SEPTIN12: variants seen among roughly 807,000 people sequenced by gnomAD.
SEPTIN12 encodes the protein septin-12.
A neutral mutation model predicts 37.7 loss-of-function variants in SEPTIN12; 42 were observed. That is an observed-to-expected ratio of 1.11 (90% CI 0.87 to 1.44). SEPTIN12 has a LOEUF of 1.44. Among genes scored for constraint, SEPTIN12 ranks in the 40% most tolerant of loss-of-function variants. The pLI, the probability that SEPTIN12 is intolerant of heterozygous loss-of-function variation, is 0.00. For synonymous variants in SEPTIN12, 254 were observed against 196.7 expected, an observed-to-expected ratio of 1.29 and a Z score of -2.44; for missense variants, 613 against 479.2, an observed-to-expected ratio of 1.28 and a Z score of -2.61.
upstream of SEPTIN12, among the ~76,000 whole-genome samples, chr16:4,788,954 A>G (rs1329276481): frequency 6.6e-6 from 1 of 152,198 alleles, no homozygotes; most frequent in African/African-American, 2.4e-5. Context: ...CTCTTTAAAT[A>G]GGCCATGTGC....
At chr16:4,787,319 A>T in intron 2 of SEPTIN12, 161 bp downstream of exon 2, 1 of 721,808 alleles carries the variant, frequency 1.4e-6, no homozygotes, top group Non-Finnish European at 2.4e-6. Context: ...TTAATGACTC[A>T]GCATTTCTCA....
upstream of SEPTIN12, among the ~76,000 whole-genome samples, chr16:4,789,297 A>G (rs2082510934): frequency 6.6e-6 from 1 of 150,536 alleles, no homozygotes; most frequent in African/African-American, 2.4e-5. Context: ...GTGAGCCACC[A>G]TGCCTGGCCT....
At chr16:4,787,801 T>G (rs2082483520) in intron 1 of SEPTIN12, 134 bp from the exon 2 acceptor site, 2 of 597,834 alleles carry the variant, frequency 3.3e-6, no homozygotes, top group African/African-American at 3.7e-5. Flanking sequence ...TGGTGTACCC[T>G]AAGTGCCTGT....
Position 4,787,786 on chromosome 16 carries a change from GCC to G in SEPTIN12, c.-22-121_-22-120del. 5.0e-6 allele frequency: 3 copies of G among 605,608 alleles called. No homozygotes were observed. The South Asian group carries it at 5.9e-5, about 12-fold the overall frequency. The allele number at this position is 605,608 out of a possible 1,614,324, so 37.5% of individuals were successfully genotyped here. A position where few individuals can be genotyped will look rare whatever the true frequency, so the allele number is the denominator to read the frequency against. Reference sequence around the variant, plus strand: ...TTGGCCAACCCCCTCCACACTTCATGCCTCTGGTGTACCCTAAGTGCCTGTAG... The same window carrying G: ...TTGGCCAACCCCCTCCACACTTCATGTCTGGTGTACCCTAAGTGCCTGTAG... On this transcript the variant is annotated intron_variant, in intron 1 of 9. Coordinates refer to ENST00000268231, the MANE Select transcript of SEPTIN12 (RefSeq NM_144605.5).
intron 4 of SEPTIN12, among the ~76,000 whole-genome samples, chr16:4,785,428 G>T (rs1346253027): frequency 2.0e-5 from 3 of 151,700 alleles, no homozygotes; most frequent in African/African-American, 7.3e-5. Flanking sequence ...GGTTGAAGGG[G>T]GAGGGGCACG....
Position 4,784,086 on chromosome 16 carries a change from C to T in SEPTIN12, c.375-18G>A, listed in dbSNP as rs548437213. ...GGTCCCAGCTGAGGCGGGAGGTGGA[C>T]CCTCCCCTCAGAACTGTGCTGTGCC... On this transcript the variant is annotated intron_variant, in intron 4 of 9. Transcript: ENST00000268231. 1.3e-5 allele frequency: 21 copies of T among 1,613,384 alleles called. 2 individuals are homozygous for T. The South Asian group carries it at 2.3e-4, about 18-fold the overall frequency.
rs75969296 is a variant in SEPTIN12, at chr16:4,779,955, C to G, written c.727-169G>C. On this transcript the variant is annotated intron_variant, in intron 7 of 9. Coordinates refer to ENST00000268231, the MANE Select transcript of SEPTIN12 (RefSeq NM_144605.5). Reference sequence around the variant, plus strand: ...CAAAGACATAAAGTCTAATTGGTGCCTCTGGCTGAGTGAGGTAGCTCTTGC... The same window carrying G: ...CAAAGACATAAAGTCTAATTGGTGCGTCTGGCTGAGTGAGGTAGCTCTTGC... Among the ~76,000 whole-genome samples, 495 of 152,074 alleles carry G rather than the reference C, an allele frequency of 3.3e-3. 2 individuals are homozygous for G. The highest frequency in any genetic ancestry group is 0.011 in the African/African-American group (475 of 41,518).
At chr16:4,780,423 A>C (rs1264831481) in intron 7 of SEPTIN12, among the ~76,000 whole-genome samples, 1 of 152,126 alleles carries the variant, frequency 6.6e-6, no homozygotes, top group Non-Finnish European at 1.5e-5. Flanking sequence ...TTATTGGCAC[A>C]TAGTTGAGCC....
chr16:4,784,149 G>A (rs2082407392), intron 4 of SEPTIN12, 81 bp from the exon 5 acceptor site: 8 of 1,550,344 alleles, frequency 5.2e-6, no homozygotes, highest in South Asian at 1.1e-5. Context: ...TCCTCTGGGC[G>A]GTCCTCCCTT....
rs142539985 is a variant in SEPTIN12 at position 4,783,729 on chromosome 16, A to T, written c.550T>A (p.Cys184Ser). ...PLDIEFLQRLCRTVNVVPVIA... is the reference protein window; with the variant it reads ...PLDIEFLQRLSRTVNVVPVIA... The stretch of plus-strand genomic sequence containing the variant: ...ACGGGCACCACATTCACAGTCCGGC[A>T]CAGCCGCTGCAGGAACTCAATGTCC... Residue 184 changes from cysteine (C) to serine (S), a missense_variant, in exon 6 of 10, where the codon TGC becomes AGC. By Grantham distance (112) the Cys-to-Ser change is moderately radical (BLOSUM62 -1). Transcript: ENST00000268231. 3.0e-5 allele frequency: 48 copies of T among 1,613,976 alleles called. No homozygotes were observed. The African/African-American group carries it at 5.9e-4, about 20-fold the overall frequency.
intron 4 of SEPTIN12, 26 bp from the exon 5 acceptor site, chr16:4,784,094 T>C: frequency 1.9e-6 from 3 of 1,613,184 alleles, no homozygotes; most frequent in Non-Finnish European, 2.5e-6. Flanking sequence ...GACCCTCCCC[T>C]CAGAACTGTG....
At position 4,783,941 on chromosome 16, in the gene SEPTIN12, T is replaced by G. The variant is rs529895964; in HGVS notation, c.502A>C (p.Thr168Pro). ...VHCCVYFVPP[T>P]GHCLRPLDIE... ...GTGCAGCCCCCTCACCAGTGCCCAG[T>G]GGGTGGTACAAAGTACACGCAGCAG... The change falls in exon 5 of 10, where the codon ACT becomes CCT. Residue 168 changes from threonine (T) to proline (P), a missense_variant. By Grantham distance (38) the Thr-to-Pro change is conservative. Coordinates refer to ENST00000268231, the MANE Select transcript of SEPTIN12 (RefSeq NM_144605.5). The G allele has an allele frequency of 1.6e-5, 26 of 1,614,136 alleles. No homozygotes were observed. Among genetic ancestry groups the G allele is most frequent in the Non-Finnish European group, 6.8e-6 (8 of 1,179,994 alleles).
rs1384303614 is a variant in SEPTIN12, at chr16:4,787,506, C to A, written c.140G>T (p.Gly47Val). The A allele has an allele frequency of 1.9e-6, 3 of 1,613,054 alleles. No individual in the cohort carries two copies. The highest frequency in any genetic ancestry group is 2.5e-6 in the Non-Finnish European group (3 of 1,180,038). ...DQLKIKAMKMGFEFNIMVVGQ... is the reference protein window; with the variant it reads ...DQLKIKAMKMVFEFNIMVVGQ... The stretch of plus-strand genomic sequence containing the variant: ...CACCACCATGATGTTGAACTCAAAC[C>A]CCATCTTCATAGCCTTGATCTTCAG... Residue 47 changes from glycine to valine, a missense_variant, in exon 2 of 10, where the codon GGG (glycine) becomes GTG (valine). Transcript: ENST00000268231.
chr16:4,783,525 G>A lies in SEPTIN12; in HGVS notation c.663C>T (p.Asp221=), dbSNP rs766687871. The change falls in exon 7 of 10, where the codon GAC becomes GAT. Residue 221 remains aspartate (D), a synonymous_variant. Coordinates refer to ENST00000268231, the MANE Select transcript of SEPTIN12 (RefSeq NM_144605.5). The part of the protein sequence containing the change: ...IQQNLRTHCI[D]VYPQMCFDED... ...CGTCAAAGCACATCTGGGGGTAGAC[G>A]TCGATGCAGTGGGTCCTCAGGTTCT... 30 of 1,614,008 alleles carry A rather than the reference G, an allele frequency of 1.9e-5. No individual in the cohort carries two copies. Among genetic ancestry groups the A allele is most frequent in the African/African-American group, 1.7e-4 (13 of 74,912 alleles).
upstream of SEPTIN12, among the ~76,000 whole-genome samples, chr16:4,791,500 C>A (rs1325720892): frequency 1.3e-5 from 2 of 152,118 alleles, no homozygotes; most frequent in African/African-American, 4.8e-5. Context: ...TATTAACATA[C>A]CCATTTTACA....
Position 4,784,073 on chromosome 16 carries a change from G to A in SEPTIN12, c.375-5C>T. On this transcript the variant is annotated splice_polypyrimidine_tract_variant and splice_region_variant and intron_variant, in intron 4 of 9. Transcript: ENST00000268231. ...TAGCCCAGGATGGGGTCCCAGCTGA[G>A]GCGGGAGGTGGACCCTCCCCTCAGA... 1 of 1,613,976 alleles carries A rather than the reference G, an allele frequency of 6.2e-7. No individual in the cohort carries two copies. The highest frequency in any genetic ancestry group is 8.5e-7 in the Non-Finnish European group (1 of 1,179,978).
At chr16:4,791,212 C>T (rs2082545946), upstream of SEPTIN12, among the ~76,000 whole-genome samples, 1 of 152,056 alleles carries the variant, frequency 6.6e-6, no homozygotes, top group Admixed American at 6.6e-5. Flanking sequence ...GGGACTGCAC[C>T]ATGTAAGTGC....
upstream of SEPTIN12, among the ~76,000 whole-genome samples, chr16:4,790,808 AAAT>A (rs2082539617): frequency 6.6e-6 from 1 of 152,134 alleles, no homozygotes; most frequent in African/African-American, 2.4e-5. Context: ...ATAAATAAAT[AAAT>A]AAGTAAGTAA....
At position 4,783,524 on chromosome 16, in the gene SEPTIN12, C is replaced by T. The variant is rs142721632; in HGVS notation, c.664G>A (p.Val222Ile). The stretch of plus-strand genomic sequence containing the variant: ...TCGTCAAAGCACATCTGGGGGTAGA[C>T]GTCGATGCAGTGGGTCCTCAGGTTC... ...QQNLRTHCID[V>I]YPQMCFDEDI... Residue 222 changes from valine to isoleucine, a missense_variant, in exon 7 of 10, where the codon GTC becomes ATC. Coordinates refer to ENST00000268231, the MANE Select transcript of SEPTIN12 (RefSeq NM_144605.5). The T allele has an allele frequency of 3.6e-4, 585 of 1,614,140 alleles. No individual in the cohort carries two copies. In the African/African-American group the frequency reaches 6.9e-3, roughly 19 times the overall value.
Sources: allele counts gnomAD v4.1 joint callset (sites outside exome capture counted in the v4.1 genomes callset), GRCh38; gene constraint gnomAD v4.1.1; transcripts MANE v1.5; gene names NCBI Gene and HGNC (gene_info 2026-07-23, HGNC 2026-07-21).